Variants in JDP2 observed in about 807,000 individuals in gnomAD.
The protein encoded by JDP2 is progesterone receptor co-activator.
In JDP2, 9 loss-of-function variants were observed where a neutral mutation model predicts 17.1. The ratio of observed to expected loss-of-function variants is 0.53; its 90% confidence interval spans 0.32 to 0.92. The LOEUF is 0.92. JDP2 is among the 40% of genes least tolerant of loss of function. The pLI, the probability that JDP2 is intolerant of heterozygous loss-of-function variation, is 0.04. For missense variants in JDP2, 179 were observed against 220.0 expected (o/e 0.81, Z 1.18); for synonymous variants, 107 against 95.6 (o/e 1.12, Z -0.69).
In JDP2 at chr14:75,469,388, C is replaced by T. The variant is rs1292117664; in HGVS notation, c.405C>T (p.His135=). The part of the protein sequence containing the change: ...RQQLILMLNR[H]RPTCIVRTDS... ...AGCTCATCCTGATGCTGAACCGACA[C>T]CGCCCCACCTGCATCGTCCGGACCG... The change falls in exon 4 of 4, where the codon CAC becomes CAT. Residue 135 remains histidine (H), a synonymous_variant. Coordinates refer to ENST00000651602, the MANE Select transcript of JDP2 (RefSeq NM_001135048.2). 6.2e-7 allele frequency: 1 copy of T among 1,614,052 alleles called. No homozygotes were observed. The highest frequency in any genetic ancestry group is 8.5e-7 in the Non-Finnish European group (1 of 1,180,020).
At chr14:75,441,480 C>T (rs2062266788) in intron 2 of JDP2, among the ~76,000 whole-genome samples, 1 of 152,180 alleles carries the variant, frequency 6.6e-6, no homozygotes, top group Non-Finnish European at 1.5e-5. Context: ...AACAGAGCTA[C>T]AGATAAAGCA....
chr14:75,440,650 AG>A (rs1257118264), intron 2 of JDP2, among the ~76,000 whole-genome samples: 1 of 152,044 alleles, frequency 6.6e-6, no homozygotes, highest in Non-Finnish European at 1.5e-5. Context: ...AGGTCTAGGG[AG>A]GGGGTTCAGT....
chr14:75,433,195 CAAAAAAAAAAA>C (rs780191475), intron 1 of JDP2, among the ~76,000 whole-genome samples: 14 of 19,394 alleles, frequency 7.2e-4, no homozygotes, highest in East Asian at 5.3e-3. Context: ...AACTCCGTCT[CAAAAAAAAAAA>C]AAAAAAAAAA....
At chr14:75,457,115 C>T (rs768312333) in intron 2 of JDP2, among the ~76,000 whole-genome samples, 1 of 152,222 alleles carries the variant, frequency 6.6e-6, no homozygotes, top group Non-Finnish European at 1.5e-5. Flanking sequence ...ATGTATTGAG[C>T]GTCAAGCTGC....
intron 2 of JDP2, among the ~76,000 whole-genome samples, chr14:75,446,277 C>G (rs574640183): frequency 6.6e-6 from 1 of 152,182 alleles, no homozygotes; most frequent in Non-Finnish European, 1.5e-5. Context: ...AGTTCCCATG[C>G]GATCCAGCCA....
intron 1 of JDP2, among the ~76,000 whole-genome samples, chr14:75,429,366 T>G (rs1884683238): frequency 6.6e-6 from 1 of 152,136 alleles, no homozygotes; most frequent in African/African-American, 2.4e-5. Context: ...TGCAGCCTGC[T>G]TAGGCGTGTG....
chr14:75,437,442 T>TA (rs1885120008), intron 1 of JDP2, among the ~76,000 whole-genome samples: 1 of 152,222 alleles, frequency 6.6e-6, no homozygotes, highest in African/African-American at 2.4e-5. Context: ...GTTCTGCCGT[T>TA]ATAATTCGCT....
chr14:75,434,712 GCTTCCATCTCCCA>G (rs1317525507), intron 1 of JDP2, among the ~76,000 whole-genome samples: 1 of 152,054 alleles, frequency 6.6e-6, no homozygotes, highest in African/African-American at 2.4e-5. Context: ...ATGGGGTCTG[GCTTCCATCTCCCA>G]GAGATGGAAG....
chr14:75,438,865 C>T (rs111790039), intron 2 of JDP2, among the ~76,000 whole-genome samples: 14 of 152,380 alleles, frequency 9.2e-5, no homozygotes, highest in South Asian at 2.1e-4. Flanking sequence ...GGCATGCCCC[C>T]GGCGACTTGC....
At chr14:75,448,171 C>CAATAAGGATATGATG (rs1885694013) in intron 2 of JDP2, among the ~76,000 whole-genome samples, 1 of 152,130 alleles carries the variant, frequency 6.6e-6, no homozygotes, top group African/African-American at 2.4e-5. Flanking sequence ...CAATTGTAAG[C>CAATAAGGATATGATG]CCTTAAGTAA....
intron 2 of JDP2, among the ~76,000 whole-genome samples, chr14:75,456,743 C>T (rs1248626333): frequency 1.3e-5 from 2 of 152,210 alleles, no homozygotes; most frequent in African/African-American, 2.4e-5. Flanking sequence ...TGCATGACCC[C>T]TCAGTCCAGC....
intron 2 of JDP2, among the ~76,000 whole-genome samples, chr14:75,454,184 A>AAGC (rs756588284): frequency 1.3e-5 from 2 of 151,828 alleles, no homozygotes; most frequent in Non-Finnish European, 2.9e-5. Context: ...CCCCTCCTTT[A>AAGC]AACCATGGAG....
intron 1 of JDP2, among the ~76,000 whole-genome samples, chr14:75,429,339 A>G (rs1438430096): frequency 5.3e-5 from 8 of 152,076 alleles, no homozygotes; most frequent in Admixed American, 1.3e-4. Flanking sequence ...GCTCAGGTCT[A>G]TATCTCAGAA....
At chr14:75,442,641 A>G (rs1420241183) in intron 2 of JDP2, among the ~76,000 whole-genome samples, 1 of 152,256 alleles carries the variant, frequency 6.6e-6, no homozygotes, top group African/African-American at 2.4e-5. Flanking sequence ...TTCAGGCAGA[A>G]AAAAACAAAA....
chr14:75,447,718 C>T (rs748742883), intron 2 of JDP2, among the ~76,000 whole-genome samples: 1 of 152,080 alleles, frequency 6.6e-6, no homozygotes, highest in African/African-American at 2.4e-5. Context: ...AGTGCAGTGG[C>T]GTGATCTCGG....
chr14:75,429,554 T>A (rs1381374914), intron 1 of JDP2, among the ~76,000 whole-genome samples: 3 of 152,124 alleles, frequency 2.0e-5, no homozygotes, highest in Non-Finnish European at 4.4e-5. Flanking sequence ...CCTGAGGGTT[T>A]TAAAAAACAC....
intron 2 of JDP2, among the ~76,000 whole-genome samples, chr14:75,458,101 C>T (rs951977452): frequency 2.0e-5 from 3 of 152,284 alleles, no homozygotes; most frequent in East Asian, 1.9e-4. Context: ...CACAAACCGA[C>T]GCTTGTGGTA....
At chr14:75,441,100 C>T (rs774467950) in intron 2 of JDP2, among the ~76,000 whole-genome samples, 1 of 151,978 alleles carries the variant, frequency 6.6e-6, no homozygotes, top group Non-Finnish European at 1.5e-5. Flanking sequence ...GTCCTGCAGC[C>T]TTACTGTCTC....
At chr14:75,447,261 T>C (rs1240138367) in intron 2 of JDP2, among the ~76,000 whole-genome samples, 2 of 152,210 alleles carry the variant, frequency 1.3e-5, no homozygotes, top group Admixed American at 1.3e-4. Context: ...AGGACATCTG[T>C]GTTCAGGTCA....
Sources: gnomAD v4.1 joint callset for allele counts (sites outside exome capture counted in the v4.1 genomes callset) on GRCh38, gnomAD v4.1.1 for gene constraint, MANE v1.5 for transcripts, NCBI Gene and HGNC (gene_info 2026-07-23, HGNC 2026-07-21) for gene names.